Variants in ZNF684 observed in about 807,000 individuals in gnomAD.
ZNF684 encodes the protein hypothetical protein MGC27466.
Under a neutral mutation model 12.8 loss-of-function variants are expected in ZNF684, and 13 were observed. The observed-to-expected ratio is 1.02, with a 90% CI of 0.66 to 1.62. ZNF684 has a LOEUF of 1.62. Ranked by LOEUF, ZNF684 falls within the 40% of genes most tolerant of loss-of-function variation. The pLI is 0.00. For synonymous variants in ZNF684, 118 were observed against 151.8 expected, an observed-to-expected ratio of 0.78 and a Z score of 1.64; for missense variants, 384 against 446.9, an observed-to-expected ratio of 0.86 and a Z score of 1.27.
At chr1:40,546,200 C>T (rs6673312) in intron 4 of ZNF684, among the ~76,000 whole-genome samples, 37,327 of 151,878 alleles carry the variant, frequency 0.25, 5,797 homozygotes, top group East Asian at 0.54. Context: ...GGGTTACAGG[C>T]GTGAGCCGCC....
At chr1:40,533,045 G>C in intron 1 of ZNF684, 98 bp from the exon 2 acceptor site, 2 of 938,966 alleles carry the variant, frequency 2.1e-6, no homozygotes, top group Non-Finnish European at 3.3e-6. Context: ...TGAGGCTGCA[G>C]TGTGGGTACT....
chr1:40,545,483 T>G (rs1003434016), intron 4 of ZNF684, among the ~76,000 whole-genome samples: 6 of 152,194 alleles, frequency 3.9e-5, no homozygotes, highest in Non-Finnish European at 7.3e-5. Context: ...GTATTTTTCA[T>G]ATATAGAAAC....
intron 3 of ZNF684, among the ~76,000 whole-genome samples, chr1:40,541,158 T>G (rs1302667326): frequency 6.6e-6 from 1 of 151,572 alleles, no homozygotes; most frequent in Non-Finnish European, 1.5e-5. Flanking sequence ...TGCTTATTCT[T>G]CTCCTTCCCA....
chr1:40,544,881 A>C (rs1646035422), intron 4 of ZNF684: 1 of 152,238 alleles, frequency 6.6e-6, no homozygotes, highest in African/African-American at 2.4e-5. Context: ...TAAGTTCTAG[A>C]TAGGACGAGA....
Position 40,547,158 on chromosome 1 carries a change from A to G in ZNF684, c.835A>G (p.Thr279Ala). ...ATTTGAATGTAAGGAATGTGGGAAAACCTTCAGGTATAGTTCATCCCTTTA... is the reference window on the plus strand; with the variant it reads ...ATTTGAATGTAAGGAATGTGGGAAAGCCTTCAGGTATAGTTCATCCCTTTA... ...KSFECKECGK[T>A]FRYSSSLYKH... The change falls in exon 5 of 5, where the codon ACC (threonine) becomes GCC (alanine). Residue 279 changes from threonine to alanine, a missense_variant. Physicochemically the swap from Thr to Ala is moderately conservative, Grantham distance 58 (BLOSUM62 0). Coordinates refer to ENST00000372699, the MANE Select transcript of ZNF684 (RefSeq NM_152373.4). 1 of 1,614,226 alleles carries G rather than the reference A, an allele frequency of 6.2e-7. No individual in the cohort carries two copies. Among genetic ancestry groups the G allele is most frequent in the Non-Finnish European group, 8.5e-7 (1 of 1,180,046 alleles).
At chr1:40,544,755 A>G (rs1557612529) in intron 4 of ZNF684, 1 of 153,086 alleles carries the variant, frequency 6.5e-6, no homozygotes, top group Non-Finnish European at 1.5e-5. Flanking sequence ...GACAGACAGC[A>G]GCAGTGACTA....
chr1:40,539,440 A>G (rs1017599204), intron 2 of ZNF684, among the ~76,000 whole-genome samples: 3 of 152,028 alleles, frequency 2.0e-5, no homozygotes, highest in East Asian at 1.9e-4. Context: ...GGGTGCTACA[A>G]TGACCCCTGA....
intron 1 of ZNF684, among the ~76,000 whole-genome samples, chr1:40,532,358 CTT>C (rs3082563): frequency 2.0e-4 from 29 of 143,672 alleles, no homozygotes; most frequent in Non-Finnish European, 1.5e-4. Flanking sequence ...CTCCAAATTT[CTT>C]TTTTTTTTTT....
chr1:40,547,117 A>G lies in ZNF684; in HGVS notation c.794A>G (p.His265Arg). The G allele has an allele frequency of 6.2e-7, 1 of 1,611,174 alleles. No individual in the cohort carries two copies. Among genetic ancestry groups the G allele is most frequent in the Non-Finnish European group, 8.5e-7 (1 of 1,177,270 alleles). Residue 265 changes from histidine to arginine, a missense_variant, in exon 5 of 5, where the codon CAT (histidine) becomes CGT (arginine). Transcript: ENST00000372699. ...NSSFNQHVKS[H>R]TLEKSFECKE... is the part of the protein sequence containing the mutation. ...TCATTTAATCAACACGTGAAATCTC[A>G]TACACTTGAGAAGTCATTTGAATGT... is the stretch of plus-strand genomic sequence containing the variant.
Position 40,547,158 on chromosome 1 carries a change from A to C in ZNF684, c.835A>C (p.Thr279Pro). Residue 279 changes from threonine to proline, a missense_variant, in exon 5 of 5, where the codon ACC becomes CCC. Transcript: ENST00000372699. ...KSFECKECGK[T>P]FRYSSSLYKH... ...ATTTGAATGTAAGGAATGTGGGAAA[A>C]CCTTCAGGTATAGTTCATCCCTTTA... 3 of 1,614,226 alleles carry C rather than the reference A, an allele frequency of 1.9e-6. No individual in the cohort carries two copies. The highest frequency in any genetic ancestry group is 2.5e-6 in the Non-Finnish European group (3 of 1,180,046).
chr1:40,546,460 T>G, intron 4 of ZNF684, 102 bp from the exon 5 acceptor site: 1 of 1,177,836 alleles, frequency 8.5e-7, no homozygotes, highest in Non-Finnish European at 1.2e-6. Context: ...ATATAAGATT[T>G]CTTTCAGAAT....
At chr1:40,540,978 G>C (rs953001788) in intron 3 of ZNF684, among the ~76,000 whole-genome samples, 1 of 146,270 alleles carries the variant, frequency 6.8e-6, no homozygotes, top group Non-Finnish European at 1.5e-5. Context: ...GATCGCTTGA[G>C]CCTAGGTGTA....
At chr1:40,545,915 C>CCTTTTT (rs1557613390) in intron 4 of ZNF684, among the ~76,000 whole-genome samples, 8 of 67,886 alleles carry the variant, frequency 1.2e-4, no homozygotes, top group Admixed American at 3.9e-4. Flanking sequence ...GTCTCCTTTT[C>CCTTTTT]TTTTTTTTTT....
Position 40,546,644 on chromosome 1 carries a change from C to G in ZNF684, c.321C>G (p.Phe107Leu). The G allele has an allele frequency of 6.2e-7, 1 of 1,600,780 alleles. No individual in the cohort carries two copies. The highest frequency in any genetic ancestry group is 8.5e-7 in the Non-Finnish European group (1 of 1,175,956). ...TTTTGAAGTCAGTTTTGCTCACATT[C>G]AATAAAATTCTGACTATGGAGAGAA... is the stretch of plus-strand genomic sequence containing the variant. ...DNFLKSVLLTFNKILTMERIH... is the reference protein window; with the variant it reads ...DNFLKSVLLTLNKILTMERIH... The change falls in exon 5 of 5, where the codon TTC (phenylalanine) becomes TTG (leucine). Residue 107 changes from phenylalanine to leucine, a missense_variant. Phe to Leu is a conservative substitution (Grantham distance 22). Transcript: ENST00000372699.
intron 4 of ZNF684, among the ~76,000 whole-genome samples, chr1:40,542,306 A>G (rs976324551): frequency 6.6e-6 from 1 of 151,928 alleles, no homozygotes; most frequent in African/African-American, 2.4e-5. Flanking sequence ...GTTCTATTTT[A>G]TTTTCCTTTT....
At chr1:40,536,143 C>T (rs1194018540) in intron 2 of ZNF684, among the ~76,000 whole-genome samples, 2 of 152,208 alleles carry the variant, frequency 1.3e-5, no homozygotes, top group East Asian at 1.9e-4. Context: ...CCTGTAATCC[C>T]AGCACTTTGG....
At chr1:40,539,753 T>G (rs1057206076) in intron 2 of ZNF684, among the ~76,000 whole-genome samples, 15 of 152,042 alleles carry the variant, frequency 9.9e-5, no homozygotes, top group Non-Finnish European at 2.9e-5. Context: ...TTTTTTTCTT[T>G]CTTGCTTCAG....
Position 40,540,521 on chromosome 1 carries a change from C to G in ZNF684, c.16-65C>G, listed in dbSNP as rs969450150. ...ACATGATATGATATTAAGGAGCTGC[C>G]TTGATTCTCTTGCAAGTTCGCTAGT... On this transcript the variant is annotated intron_variant, in intron 2 of 4. Transcript: ENST00000372699. The G allele has an allele frequency of 2.7e-6, 4 of 1,490,850 alleles. No homozygotes were observed. In the African/African-American group the frequency reaches 4.2e-5, roughly 16 times the overall value. The allele number at this position is 1,490,850 out of a possible 1,614,324, so 92.4% of individuals were successfully genotyped here. A position where few individuals can be genotyped will look rare whatever the true frequency, so the allele number is the denominator to read the frequency against.
At chr1:40,536,552 G>A (rs1201237233) in intron 2 of ZNF684, among the ~76,000 whole-genome samples, 1 of 140,358 alleles carries the variant, frequency 7.1e-6, no homozygotes, top group Non-Finnish European at 1.5e-5. Context: ...TAGGGTACAT[G>A]TGCACAATGT....
Sources: allele counts gnomAD v4.1 joint callset (sites outside exome capture counted in the v4.1 genomes callset), GRCh38; gene constraint gnomAD v4.1.1; transcripts MANE v1.5; gene names NCBI Gene and HGNC (gene_info 2026-07-23, HGNC 2026-07-21).